Variants in TRAPPC9 observed in about 807,000 individuals in gnomAD.
The protein encoded by TRAPPC9 is trafficking protein particle complex subunit 9.
TRAPPC9 carries 83 observed loss-of-function variants against 124.0 expected under a neutral mutation model. The ratio of observed to expected loss-of-function variants is 0.67; its 90% CI spans 0.56 to 0.80. The LOEUF (loss-of-function observed/expected upper bound fraction) is 0.80, where lower values mean the gene tolerates loss of function less well. Among genes scored for constraint, TRAPPC9 ranks in the 30% least tolerant of loss-of-function variants. The pLI is 0.00. For synonymous variants in TRAPPC9, 638 were observed against 617.5 expected (o/e 1.03, Z -0.49); for missense variants, 1,302 against 1,508.3 (o/e 0.86, Z 2.27).
At chr8:139,980,183 GC>G (rs757198052) in intron 19 of TRAPPC9, among the ~76,000 whole-genome samples, 24 of 152,170 alleles carry the variant, frequency 1.6e-4, no homozygotes, top group Non-Finnish European at 2.6e-4. Context: ...CCCTGCAGCC[GC>G]CCCATAACTG....
chr8:140,120,850 C>G (rs773260602), intron 17 of TRAPPC9, among the ~76,000 whole-genome samples: 17 of 152,244 alleles, frequency 1.1e-4, no homozygotes, highest in South Asian at 6.2e-4. Flanking sequence ...ATCCATCCAT[C>G]CATCCATCCA....
intron 5 of TRAPPC9, among the ~76,000 whole-genome samples, chr8:140,419,428 C>CAAAAAAAAAAAA (rs61155157): frequency 1.0e-4 from 8 of 79,586 alleles, no homozygotes; most frequent in Admixed American, 1.8e-4. Flanking sequence ...GACTCCGTCT[C>CAAAAAAAAAAAA]AAAAAAAAAA....
chr8:140,306,391 G>A (rs560359134), intron 10 of TRAPPC9, among the ~76,000 whole-genome samples: 1 of 151,726 alleles, frequency 6.6e-6, no homozygotes, highest in South Asian at 2.1e-4. Context: ...CTACTCGGAG[G>A]CTGAGGCAGT....
chr8:140,164,551 AG>A lies in TRAPPC9; in HGVS notation c.2556+56907del, dbSNP rs1290803682. ...GCAATGGCCCAATTTCCTCTCCCAC[AG>A]GATCATGCCTTGAGTGGCTGCTGAC... On this transcript the variant is annotated intron_variant, in intron 17 of 22. Coordinates refer to ENST00000438773, the MANE Select transcript of TRAPPC9 (RefSeq NM_001160372.4). Among the ~76,000 whole-genome samples the A allele has an allele frequency of 2.0e-5, 3 of 152,172 alleles. No individual in the cohort carries two copies. The East Asian group carries it at 5.8e-4, about 29-fold the overall frequency.
Position 140,446,293 on chromosome 8 carries a change from CAAAAAAAA to C in TRAPPC9, c.584+4489_584+4496del, listed in dbSNP as rs59393001. Among the ~76,000 whole-genome samples, 2 of 110,370 alleles carry C rather than the reference CAAAAAAAA, an allele frequency of 1.8e-5. 1 individual carries two copies. Among genetic ancestry groups the C allele is most frequent in the South Asian group, 5.8e-4 (2 of 3,450 alleles). 72.4% of individuals were successfully genotyped at this position (110,370 alleles called of 152,430 possible). A position where few individuals can be genotyped will look rare whatever the true frequency, so the allele number is the denominator to read the frequency against. Reference sequence around the variant, plus strand: ...TGGGCGAAAGAGTAAGACTCTGTCTCAAAAAAAAAAAAAAAAAAAGCAGACACAGTTAT... The same window carrying C: ...TGGGCGAAAGAGTAAGACTCTGTCTCAAAAAAAAAAAGCAGACACAGTTAT... On this transcript the variant is annotated intron_variant, in intron 2 of 22. Coordinates refer to ENST00000438773, the MANE Select transcript of TRAPPC9 (RefSeq NM_001160372.4).
intron 19 of TRAPPC9, among the ~76,000 whole-genome samples, chr8:139,976,221 A>G (rs1479823310): frequency 2.6e-5 from 4 of 152,118 alleles, no homozygotes; most frequent in Non-Finnish European, 5.9e-5. Context: ...ATGCTGGAAT[A>G]ACTGGATATC....
intron 17 of TRAPPC9, among the ~76,000 whole-genome samples, chr8:140,062,733 C>A (rs1310951347): frequency 6.6e-6 from 1 of 152,146 alleles, no homozygotes; most frequent in Non-Finnish European, 1.5e-5. Flanking sequence ...TTCACTGCGT[C>A]ATTACCGGCA....
intron 11 of TRAPPC9, among the ~76,000 whole-genome samples, 181 bp downstream of exon 11, chr8:140,300,266 CACATATGCACGCATGCACACAT>C (rs1307480035): frequency 7.0e-6 from 1 of 142,706 alleles, no homozygotes; most frequent in Non-Finnish European, 1.5e-5. Flanking sequence ...CACATACACG[CACATATGCACGCATGCACACAT>C]ACATATGCAT....
In TRAPPC9 at chr8:140,062,114, G is replaced by A. The variant is rs182257052; in HGVS notation, c.2557-38035C>T. Among the ~76,000 whole-genome samples the A allele has an allele frequency of 4.6e-5, 7 of 152,230 alleles. No homozygotes were observed. The East Asian group carries it at 1.4e-3, about 29-fold the overall frequency. ...AAAAAGGCAACACCTTCCAGGACCC[G>A]CCTGACCACCTGGGAGCCTGAGTGG... On this transcript the variant is annotated intron_variant, in intron 17 of 22. Transcript: ENST00000438773.
intron 7 of TRAPPC9, among the ~76,000 whole-genome samples, chr8:140,376,998 CA>C (rs962610950): frequency 3.3e-5 from 5 of 152,076 alleles, no homozygotes; most frequent in African/African-American, 1.2e-4. Flanking sequence ...CAGGTATACC[CA>C]CCACATGCTA....
At position 140,233,595 on chromosome 8, in the gene TRAPPC9, TCTCC is replaced by T. The variant is rs1283568459; in HGVS notation, c.2432-12016_2432-12013del. On this transcript the variant is annotated intron_variant, in intron 16 of 22. Transcript: ENST00000438773. ...CTTCCTCTCTCTCTCTCTCTCGCTC[TCTCC>T]CTCCCTCCCTCCCTCTCTCCCCACC... Among the ~76,000 whole-genome samples, 135 of 127,486 alleles carry T rather than the reference TCTCC, an allele frequency of 1.1e-3. 1 individual carries two copies. The highest frequency in any genetic ancestry group is 3.2e-3 in the African/African-American group (112 of 34,746). 83.6% of individuals were successfully genotyped at this position (127,486 alleles called of 152,430 possible). A position where few individuals can be genotyped will look rare whatever the true frequency, so the allele number is the denominator to read the frequency against.
chr8:140,316,272 C>T (rs535625860), intron 9 of TRAPPC9, among the ~76,000 whole-genome samples: 9 of 152,176 alleles, frequency 5.9e-5, no homozygotes, highest in East Asian at 1.9e-4. Flanking sequence ...TTGCTTAAAA[C>T]GTTGCTGGTC....
In TRAPPC9 at chr8:140,283,942, T is replaced by G. The variant is rs1260531489; in HGVS notation, c.2061A>C (p.Thr687=). ...TTGGCAACGCGGGAATGACTTCCACTGTGGAGCCACTGGTTTTTATTCCCG... is the reference window on the plus strand; with the variant it reads ...TTGGCAACGCGGGAATGACTTCCACGGTGGAGCCACTGGTTTTTATTCCCG... ...NLPGIKTSGS[T]VEVIPALPRL... The change falls in exon 14 of 23, where the codon ACA becomes ACC. Residue 687 remains threonine, a synonymous_variant. Transcript: ENST00000438773. 4 of 1,614,178 alleles carry G rather than the reference T, an allele frequency of 2.5e-6. No homozygotes were observed. The South Asian group carries it at 4.4e-5, about 18-fold the overall frequency.
intron 18 of TRAPPC9, among the ~76,000 whole-genome samples, chr8:140,006,198 C>A (rs867277636): frequency 7.2e-5 from 11 of 152,084 alleles, no homozygotes; most frequent in Non-Finnish European, 1.5e-4. Flanking sequence ...GCAACCCAGT[C>A]TTTGTGAAGG....
chr8:140,196,139 C>T lies in TRAPPC9; in HGVS notation c.2556+25320G>A, dbSNP rs544223813. Reference sequence around the variant, plus strand: ...TCACACCTGTGACACTGAAACACAACGATCCACCATACAGATCACACCTGT... The same window carrying T: ...TCACACCTGTGACACTGAAACACAATGATCCACCATACAGATCACACCTGT... On this transcript the variant is annotated intron_variant, in intron 17 of 22. Transcript: ENST00000438773. 6.5e-3 allele frequency among the ~76,000 whole-genome samples: 593 copies of T among 91,522 alleles called. 114 individuals carry two copies. The highest frequency in any genetic ancestry group is 0.025 in the African/African-American group (560 of 22,462). 60.0% of individuals were successfully genotyped at this position (91,522 alleles called of 152,430 possible). A position where few individuals can be genotyped will look rare whatever the true frequency, so the allele number is the denominator to read the frequency against.
chr8:140,290,373 G>A (rs947025396), intron 12 of TRAPPC9, among the ~76,000 whole-genome samples: 1 of 152,306 alleles, frequency 6.6e-6, no homozygotes, highest in Non-Finnish European at 1.5e-5. Context: ...GACCTACATC[G>A]GCATGGGAGG....
At chr8:139,811,161 T>A (rs916745896) in intron 21 of TRAPPC9, among the ~76,000 whole-genome samples, 1 of 152,084 alleles carries the variant, frequency 6.6e-6, no homozygotes, top group Non-Finnish European at 1.5e-5. Flanking sequence ...AACAAGGTTC[T>A]ATAAAAAGGA....
chr8:139,878,086 C>A (rs1829444421), intron 21 of TRAPPC9, among the ~76,000 whole-genome samples: 2 of 152,246 alleles, frequency 1.3e-5, no homozygotes, highest in African/African-American at 4.8e-5. Flanking sequence ...AAAGCCACTA[C>A]ATGTAACTTT....
At chr8:140,207,981 A>C (rs60242029) in intron 17 of TRAPPC9, among the ~76,000 whole-genome samples, 1 of 151,868 alleles carries the variant, frequency 6.6e-6, no homozygotes, top group African/African-American at 2.4e-5. Context: ...GAGAAACCCC[A>C]TCTCTACTAA....
Sources: gnomAD v4.1 joint callset for allele counts (sites outside exome capture counted in the v4.1 genomes callset) on GRCh38, gnomAD v4.1.1 for gene constraint, MANE v1.5 for transcripts, NCBI Gene and HGNC (gene_info 2026-07-23, HGNC 2026-07-21) for gene names.